FCRL5: variants seen among roughly 807,000 people sequenced by gnomAD.
FCRL5 encodes Fc receptor-like protein 5.
FCRL5 carries 79 observed loss-of-function variants against 92.1 expected under a neutral mutation model. The ratio of observed to expected loss-of-function variants is 0.86; its 90% CI spans 0.72 to 1.03. The LOEUF (loss-of-function observed/expected upper bound fraction) is 1.03. Among genes scored for constraint, FCRL5 ranks in the 50% least tolerant of loss-of-function variants. The pLI is 0.00. For missense variants in FCRL5, 1,160 were observed against 1,181.1 expected (o/e 0.98, Z 0.26); for synonymous variants, 466 against 469.3 (o/e 0.99, Z 0.09).
intron 15 of FCRL5, among the ~76,000 whole-genome samples, chr1:157,516,480 G>C (rs973618242): frequency 1.5e-4 from 23 of 152,228 alleles, no homozygotes; most frequent in Non-Finnish European, 7.4e-5. Context: ...GTCAGGTACA[G>C]TCCTGATTGC....
In FCRL5 at chr1:157,538,559, T is replaced by C. The variant is rs536902322; in HGVS notation, c.1402+527A>G. On this transcript the variant is annotated intron_variant, in intron 7 of 16. Coordinates refer to ENST00000361835, the MANE Select transcript of FCRL5 (RefSeq NM_031281.3). ...GACCTGCCCTCAGCCCACTGCTGTC[T>C]GTGCCTTTCTTACCTACTGCCCAAT... is the stretch of plus-strand genomic sequence containing the variant. Among the ~76,000 whole-genome samples the C allele has an allele frequency of 2.6e-5, 4 of 152,376 alleles. No individual in the cohort carries two copies. The East Asian group carries it at 7.7e-4, about 29-fold the overall frequency.
chr1:157,520,452 A>C lies in FCRL5; in HGVS notation c.2611T>G (p.Cys871Gly). 6.4e-7 allele frequency: 1 copy of C among 1,573,994 alleles called. No homozygotes were observed. The highest frequency in any genetic ancestry group is 8.6e-7 in the Non-Finnish European group (1 of 1,158,980). ...GLAAGALLLY[C>G]WLSRKAGRKP... ...CCACCTGCTTTTCTCGAGAGCCAGC[A>C]GTAGAGCAGCAGTGCCCCCGCAGCA... The change falls in exon 12 of 17, where the codon TGC becomes GGC. Residue 871 changes from cysteine to glycine, a missense_variant. By Grantham distance (159) the Cys-to-Gly change is radical (BLOSUM62 -3). Transcript: ENST00000361835.
chr1:157,544,638 G>T, intron 4 of FCRL5, 92 bp from the exon 5 acceptor site: 2 of 1,490,972 alleles, frequency 1.3e-6, no homozygotes, highest in Non-Finnish European at 1.8e-6. Flanking sequence ...TCCAAAAGCA[G>T]GCAAAGAAAG....
intron 2 of FCRL5, among the ~76,000 whole-genome samples, chr1:157,547,964 C>G (rs1315653680): frequency 6.6e-6 from 1 of 152,190 alleles, no homozygotes; most frequent in Non-Finnish European, 1.5e-5. Flanking sequence ...ATTGGATGTC[C>G]TGGAGGATTT....
chr1:157,542,772 C>T (rs1358647808), intron 6 of FCRL5, 87 bp downstream of exon 6: 1 of 1,445,674 alleles, frequency 6.9e-7, no homozygotes, highest in Non-Finnish European at 9.4e-7. Flanking sequence ...ACTGAGGATA[C>T]TGGAAGGTAT....
chr1:157,543,191 A>G, intron 5 of FCRL5, 54 bp from the exon 6 acceptor site: 2 of 1,559,188 alleles, frequency 1.3e-6, no homozygotes, highest in Non-Finnish European at 1.7e-6. Context: ...ACTGTAGATT[A>G]CAAGGCATGG....
intron 2 of FCRL5, among the ~76,000 whole-genome samples, chr1:157,547,777 T>G (rs1364895586): frequency 6.6e-6 from 1 of 152,160 alleles, no homozygotes; most frequent in Non-Finnish European, 1.5e-5. Flanking sequence ...CTGGGGCCAC[T>G]GATTTGGACA....
chr1:157,522,974 A>T (rs1386692314), intron 10 of FCRL5, among the ~76,000 whole-genome samples: 1 of 152,168 alleles, frequency 6.6e-6, no homozygotes, highest in Non-Finnish European at 1.5e-5. Flanking sequence ...TCTCAGGAAA[A>T]TTGGATGAGG....
chr1:157,525,932 A>G (rs1571082633), intron 9 of FCRL5, among the ~76,000 whole-genome samples: 1 of 152,240 alleles, frequency 6.6e-6, no homozygotes, highest in African/African-American at 2.4e-5. Flanking sequence ...TGTCATGTGC[A>G]GATGCTCAAG....
chr1:157,519,604 A>G, intron 13 of FCRL5, 139 bp downstream of exon 13: 2 of 852,582 alleles, frequency 2.3e-6, no homozygotes, highest in South Asian at 3.0e-5. Flanking sequence ...ATCCCCAGGG[A>G]CGTACAACAG....
rs146770206 is a variant in FCRL5 at position 157,549,868 on chromosome 1, AGG to A, written c.32-290_32-289del. Among the ~76,000 whole-genome samples the A allele has an allele frequency of 9.5e-3, 1,444 of 152,232 alleles. 16 individuals carry two copies. Among genetic ancestry groups the A allele is most frequent in the African/African-American group, 0.033 (1,365 of 41,530 alleles). On this transcript the variant is annotated intron_variant, in intron 1 of 16. Transcript: ENST00000361835. Reference sequence around the variant, plus strand: ...AACACGATTTAAAATAATATAACACAGGGTGTAAGTGCAATAACAGAAATACA... The same window carrying A: ...AACACGATTTAAAATAATATAACACAGTGTAAGTGCAATAACAGAAATACA...
At chr1:157,543,289 T>G in intron 5 of FCRL5, 152 bp from the exon 6 acceptor site, 1 of 710,520 alleles carries the variant, frequency 1.4e-6, no homozygotes, top group Non-Finnish European at 2.3e-6. Context: ...TTCTTGCTCC[T>G]TCCTTCTGCC....
In FCRL5 at chr1:157,515,874, C is replaced by G. The variant is rs781600111; in HGVS notation, c.2813-1G>C. The G allele has an allele frequency of 1.2e-5, 20 of 1,613,638 alleles. No individual in the cohort carries two copies. Among genetic ancestry groups the G allele is most frequent in the Non-Finnish European group, 1.5e-5 (18 of 1,179,984 alleles). On this transcript the variant is annotated splice_acceptor_variant, in intron 15 of 16. Transcript: ENST00000361835. LOFTEE classifies it high-confidence loss of function. ...CTGAGATGCCTGGGGTCAGAGGCCA[C>G]TGTGGAAAGAGGAAAGTGTTCAGTT...
rs528555031 is a variant in FCRL5 at position 157,515,823 on chromosome 1, T to C, written c.2844+19A>G. 1 of 1,613,988 alleles carries C rather than the reference T, an allele frequency of 6.2e-7. No homozygotes were observed. Among genetic ancestry groups the C allele is most frequent in the South Asian group, 1.1e-5 (1 of 91,084 alleles). On this transcript the variant is annotated intron_variant, in intron 16 of 16. Transcript: ENST00000361835. ...GTGGGCCTGGGGGTGGGGGAGGGCA[T>C]GCAGAAGGGGAGACTCACCTTGTTC...
In FCRL5 at chr1:157,521,233, C is replaced by G; in HGVS notation, c.2299G>C (p.Asp767His). The part of the protein sequence containing the change: ...RAPGTHAAVG[D>H]LLELHCEALR... ...GCCTCACAGTGAAGCTCCAGCAGGT[C>G]CCCCACCGCAGCATGGGTCCCGGGA... Residue 767 changes from aspartate to histidine, a missense_variant, in exon 11 of 17, where the codon GAC (aspartate) becomes CAC (histidine). Transcript: ENST00000361835. 6.2e-7 allele frequency: 1 copy of G among 1,614,092 alleles called. No homozygotes were observed. The highest frequency in any genetic ancestry group is 1.1e-5 in the South Asian group (1 of 91,064).
intron 10 of FCRL5, among the ~76,000 whole-genome samples, chr1:157,523,215 A>G (rs1390112609): frequency 3.3e-5 from 5 of 152,216 alleles, no homozygotes; most frequent in African/African-American, 1.2e-4. Context: ...TTTGCTTTAC[A>G]TGACTGGAAT....
At chr1:157,520,640 C>T (rs1418367682) in intron 11 of FCRL5, 93 bp from the exon 12 acceptor site, 3 of 938,712 alleles carry the variant, frequency 3.2e-6, no homozygotes, top group Non-Finnish European at 3.2e-6. Context: ...GACGGTGAAC[C>T]TAGGTGAGCA....
chr1:157,549,946 A>ATG (rs1448043510), intron 1 of FCRL5, among the ~76,000 whole-genome samples: 1 of 151,998 alleles, frequency 6.6e-6, no homozygotes, highest in Non-Finnish European at 1.5e-5. Flanking sequence ...TGTAGGATAT[A>ATG]TGTGTGTGTG....
chr1:157,552,467 G>A lies in FCRL5; in HGVS notation c.-105C>T, dbSNP rs1435512089. On this transcript the variant is annotated 5_prime_UTR_variant, in exon 1 of 17. Coordinates refer to ENST00000361835, the MANE Select transcript of FCRL5 (RefSeq NM_031281.3). ...TCAGGACACTGCACACCAGCTCCAA[G>A]GAGCACATCTGAGAAGCTGTGCTCT... is the stretch of plus-strand genomic sequence containing the variant. 1 of 1,166,368 alleles carries A rather than the reference G, an allele frequency of 8.6e-7. No individual in the cohort carries two copies. The highest frequency in any genetic ancestry group is 1.3e-6 in the Non-Finnish European group (1 of 775,100). 72.3% of individuals were successfully genotyped at this position (1,166,368 alleles called of 1,614,324 possible).
Sources: gnomAD v4.1 joint callset for allele counts (sites outside exome capture counted in the v4.1 genomes callset) on GRCh38, gnomAD v4.1.1 for gene constraint, MANE v1.5 for transcripts, NCBI Gene and HGNC (gene_info 2026-07-23, HGNC 2026-07-21) for gene names.